The following AGPAT3 variants were observed in gnomAD, a reference collection of about 807,000 sequenced individuals.
AGPAT3 encodes the protein 1-acylglycerol-3-phosphate O-acyltransferase 3.
Under a neutral mutation model 47.3 loss-of-function variants are expected in AGPAT3, and 5 were observed. The ratio of observed to expected loss-of-function variants is 0.11; its 90% confidence interval spans 0.06 to 0.22. The LOEUF (loss-of-function observed/expected upper bound fraction) is 0.22, where lower values mean the gene tolerates loss of function less well. AGPAT3 is among the 10% of genes least tolerant of loss of function. The pLI is 1.00. For synonymous variants in AGPAT3, 212 were observed against 208.3 expected, an observed-to-expected ratio of 1.02 and a Z score of -0.15; for missense variants, 315 against 493.0, an observed-to-expected ratio of 0.64 and a Z score of 3.42.
intron 2 of AGPAT3, among the ~76,000 whole-genome samples, chr21:43,936,320 C>T (rs555816385): frequency 3.3e-4 from 51 of 152,360 alleles, no homozygotes; most frequent in African/African-American, 1.1e-3. Flanking sequence ...CTAGCAGTGG[C>T]GAGCACGGCA....
intron 2 of AGPAT3, among the ~76,000 whole-genome samples, chr21:43,913,430 A>G (rs2086667001): frequency 6.6e-6 from 1 of 152,114 alleles, no homozygotes; most frequent in Non-Finnish European, 1.5e-5. Context: ...ATAAAAAAAT[A>G]CAAAAATTAG....
intron 2 of AGPAT3, among the ~76,000 whole-genome samples, chr21:43,929,272 G>A (rs1305453213): frequency 1.3e-5 from 2 of 152,196 alleles, no homozygotes; most frequent in Non-Finnish European, 2.9e-5. Flanking sequence ...ACAGGAGACG[G>A]GCCTGGCTCT....
At chr21:43,894,750 T>C (rs780827573) in intron 1 of AGPAT3, among the ~76,000 whole-genome samples, 35 of 152,244 alleles carry the variant, frequency 2.3e-4, no homozygotes, top group Non-Finnish European at 4.3e-4. Context: ...TTCTTGAGGA[T>C]ATTTTTGTCC....
At chr21:43,919,665 G>A (rs1370230723) in intron 2 of AGPAT3, 1 of 152,184 alleles carries the variant, frequency 6.6e-6, no homozygotes, top group Non-Finnish European at 1.5e-5. Flanking sequence ...GAGTGGGATT[G>A]CTGGATCGAA....
chr21:43,974,399 G>GTGTGTGTA (rs981101633), intron 7 of AGPAT3, among the ~76,000 whole-genome samples: 1 of 149,520 alleles, frequency 6.7e-6, no homozygotes, highest in African/African-American at 2.5e-5. Context: ...GTGAGGTATG[G>GTGTGTGTA]TGTGTGTAAA....
intron 1 of AGPAT3, among the ~76,000 whole-genome samples, chr21:43,896,436 G>A (rs961674873): frequency 1.3e-5 from 2 of 152,224 alleles, no homozygotes; most frequent in Non-Finnish European, 2.9e-5. Context: ...AGCATTGTGT[G>A]TAGATTGATT....
At chr21:43,972,499 C>T (rs1167618624) in intron 7 of AGPAT3, among the ~76,000 whole-genome samples, 1 of 152,092 alleles carries the variant, frequency 6.6e-6, no homozygotes, top group African/African-American at 2.4e-5. Context: ...TGCTATGGGG[C>T]CCCAGTCCTG....
intron 2 of AGPAT3, among the ~76,000 whole-genome samples, chr21:43,957,517 G>A (rs1188184491): frequency 1.3e-5 from 2 of 148,156 alleles, no homozygotes; most frequent in East Asian, 2.0e-4. Flanking sequence ...GGGGGGTCTC[G>A]GGTTTCCCCT....
rs6518338 is a variant in AGPAT3 at position 43,932,471 on chromosome 21, G to A, written c.-48-27163G>A. ...CTTCCTTATGGCTGAATAATAACACGGCGTTACGCACCGCACGCTCGCTAT... is the reference window on the plus strand; with the variant it reads ...CTTCCTTATGGCTGAATAATAACACAGCGTTACGCACCGCACGCTCGCTAT... On this transcript the variant is annotated intron_variant, in intron 2 of 9. Transcript: ENST00000291572. The surrounding 1 kb of genome is among the most constrained non-coding windows in gnomAD (Gnocchi z 5.2). Among the ~76,000 whole-genome samples, 115,954 of 152,158 alleles carry A rather than the reference G, an allele frequency of 0.76. 44,277 individuals carry two copies. Among genetic ancestry groups the A allele is most frequent in the Admixed American group, 0.83 (12,776 of 15,302 alleles).
intron 2 of AGPAT3, among the ~76,000 whole-genome samples, chr21:43,953,497 A>G (rs540322818): frequency 6.6e-6 from 1 of 152,348 alleles, no homozygotes; most frequent in East Asian, 1.9e-4. Context: ...TTAGATGTTC[A>G]TACATATTTC....
At chr21:43,919,150 G>A (rs943374842) in intron 2 of AGPAT3, among the ~76,000 whole-genome samples, 5 of 151,968 alleles carry the variant, frequency 3.3e-5, no homozygotes, top group Admixed American at 2.0e-4. Flanking sequence ...AAAGTTTACC[G>A]GTGTCTCTAT....
In AGPAT3 at chr21:43,954,900, T is replaced by G; in HGVS notation, c.-48-4734T>G. The G allele has an allele frequency of 1.8e-6, 1 of 552,540 alleles. No homozygotes were observed. The highest frequency in any genetic ancestry group is 3.3e-5 in the South Asian group (1 of 30,346). The allele number at this position is 552,540 out of a possible 1,614,324, so 34.2% of individuals were successfully genotyped here. ...GGGCAGGCGTGGGCTCTCCGGGGAG[T>G]CTCTGCGTAGACTTTCTAGCCCAGA... On this transcript the variant is annotated intron_variant, in intron 2 of 9. Coordinates refer to ENST00000291572, the MANE Select transcript of AGPAT3 (RefSeq NM_020132.5). The surrounding 1 kb of genome is among the most constrained non-coding windows in gnomAD (Gnocchi z 4.0).
chr21:43,978,146 G>T (rs374817231), intron 8 of AGPAT3, 25 bp downstream of exon 8: 14 of 1,606,580 alleles, frequency 8.7e-6, no homozygotes, highest in Non-Finnish European at 1.2e-5. Flanking sequence ...CTCCCGCTCA[G>T]GGTCCCGGTC....
intron 1 of AGPAT3, among the ~76,000 whole-genome samples, chr21:43,887,048 C>G (rs768117261): frequency 6.6e-6 from 1 of 152,220 alleles, no homozygotes; most frequent in Non-Finnish European, 1.5e-5. Context: ...TGTACTAACT[C>G]ACATTCCCAC....
chr21:43,872,705 C>T (rs1049131337), intron 1 of AGPAT3, among the ~76,000 whole-genome samples: 15 of 152,160 alleles, frequency 9.9e-5, no homozygotes, highest in African/African-American at 3.6e-4. Flanking sequence ...GTTTTGCTGC[C>T]TGGGCCAGGC....
At position 43,955,277 on chromosome 21, in the gene AGPAT3, C is replaced by T. The variant is rs1303866185; in HGVS notation, c.-48-4357C>T. The T allele has an allele frequency of 8.6e-7, 1 of 1,157,922 alleles. No homozygotes were observed. Among genetic ancestry groups the T allele is most frequent in the South Asian group, 1.6e-5 (1 of 62,340 alleles). The allele number at this position is 1,157,922 out of a possible 1,614,324, so 71.7% of individuals were successfully genotyped here. ...CCTATAGAGCTGGAAAGCTGACCTG[C>T]ATTGTCAGGCTGGGTGGGGAAGGAC... On this transcript the variant is annotated intron_variant, in intron 2 of 9. Transcript: ENST00000291572. The surrounding 1 kb of genome is among the most constrained non-coding windows in gnomAD (Gnocchi z 4.1).
chr21:43,882,096 G>A (rs1393599762), intron 1 of AGPAT3, among the ~76,000 whole-genome samples: 1 of 152,292 alleles, frequency 6.6e-6, no homozygotes, highest in African/African-American at 2.4e-5. Context: ...CACTGCAGGG[G>A]CAGACCCTTG....
Position 43,939,589 on chromosome 21 carries a change from G to A in AGPAT3, c.-48-20045G>A, listed in dbSNP as rs540389662. The stretch of plus-strand genomic sequence containing the variant: ...TGCTGCAGTTTGGAGAGAGTGTCGC[G>A]GGCGCCTGGCCTGTCCGGCAGGCTG... On this transcript the variant is annotated intron_variant, in intron 2 of 9. Transcript: ENST00000291572. The surrounding 1 kb of genome is among the most constrained non-coding windows in gnomAD (Gnocchi z 4.4). Among the ~76,000 whole-genome samples, 8 of 152,302 alleles carry A rather than the reference G, an allele frequency of 5.3e-5. No homozygotes were observed. The highest frequency in any genetic ancestry group is 2.1e-4 in the South Asian group (1 of 4,818).
intron 8 of AGPAT3, 62 bp from the exon 9 acceptor site, chr21:43,980,927 G>A (rs1300523390): frequency 1.3e-5 from 19 of 1,429,542 alleles, no homozygotes; most frequent in Non-Finnish European, 1.7e-5. Context: ...ATCTTCTCCT[G>A]CATTGAAATA....
Sources: gnomAD v4.1 joint callset for allele counts (sites outside exome capture counted in the v4.1 genomes callset) on GRCh38, gnomAD v4.1.1 for gene constraint, Gnocchi (gnomAD v3.1) non-coding constraint, MANE v1.5 for transcripts, NCBI Gene and HGNC (gene_info 2026-07-23, HGNC 2026-07-21) for gene names.